Variants in ITPR2 observed in about 807,000 individuals in gnomAD.
The protein encoded by ITPR2 is inositol 1,4,5-trisphosphate-gated calcium channel ITPR2.
ITPR2 carries 207 observed loss-of-function variants against 317.1 expected under a neutral mutation model. That is an observed-to-expected ratio of 0.65 (90% CI 0.58 to 0.73). The LOEUF (loss-of-function observed/expected upper bound fraction) is 0.73, where lower values mean the gene tolerates loss of function less well. ITPR2 is among the 30% of genes least tolerant of loss of function. The pLI is 0.00. For missense variants in ITPR2, 2,613 were observed against 3,284.0 expected, an observed-to-expected ratio of 0.80 and a Z score of 4.99; for synonymous variants, 1,156 against 1,149.1, an observed-to-expected ratio of 1.01 and a Z score of -0.12.
intron 45 of ITPR2, among the ~76,000 whole-genome samples, chr12:26,462,153 A>AGTTTTGTTTTGTTTT (rs1942050811): frequency 1.0e-4 from 4 of 39,756 alleles, no homozygotes; most frequent in Admixed American, 2.5e-4. Flanking sequence ...CACAAGGAAA[A>AGTTTTGTTTTGTTTT]CTTTTGTTTT....
chr12:26,596,540 G>A (rs185717615), intron 31 of ITPR2, among the ~76,000 whole-genome samples: 167 of 151,932 alleles, frequency 1.1e-3, no homozygotes, highest in Non-Finnish European at 1.9e-3. Context: ...CCAGCCACTC[G>A]GGAGGCTGAG....
At chr12:26,656,273 C>T (rs752436702) in intron 19 of ITPR2, 24 bp downstream of exon 19, 2 of 1,612,140 alleles carry the variant, frequency 1.2e-6, no homozygotes, top group African/African-American at 2.7e-5. Context: ...ATTCCAAAGC[C>T]TCAAGACCTT....
chr12:26,478,397 T>A (rs1291371390), intron 43 of ITPR2, among the ~76,000 whole-genome samples: 5 of 152,076 alleles, frequency 3.3e-5, no homozygotes, highest in Admixed American at 3.3e-4. Context: ...AGAGTAAGGT[T>A]CTAGGATTAG....
chr12:26,769,505 T>C (rs552923760), intron 2 of ITPR2, among the ~76,000 whole-genome samples: 5 of 152,004 alleles, frequency 3.3e-5, no homozygotes, highest in Non-Finnish European at 7.4e-5. Flanking sequence ...GGTGGTAGCT[T>C]GAATAAGTTA....
chr12:26,410,868 T>C (rs964778557), intron 52 of ITPR2, among the ~76,000 whole-genome samples: 12 of 152,130 alleles, frequency 7.9e-5, no homozygotes, highest in African/African-American at 2.7e-4. Flanking sequence ...GAGAGAGAGA[T>C]AGGCAGGCAA....
chr12:26,404,185 G>C (rs922837426), intron 52 of ITPR2, among the ~76,000 whole-genome samples: 2 of 152,160 alleles, frequency 1.3e-5, no homozygotes, highest in African/African-American at 4.8e-5. Context: ...ATGAATGAAA[G>C]GAAGCTGACA....
At chr12:26,820,259 G>A (rs1165156345) in intron 1 of ITPR2, among the ~76,000 whole-genome samples, 1 of 152,112 alleles carries the variant, frequency 6.6e-6, no homozygotes, top group Non-Finnish European at 1.5e-5. Flanking sequence ...GGATCTCAAG[G>A]TATTTAAGAA....
At position 26,832,843 on chromosome 12, in the gene ITPR2, C is replaced by G; in HGVS notation, c.-62G>C. ...CCCTGCGCCCTCGCCGCCCTCTCTCCAGGGAGCCGCCGCGGCAGAAGCGGA... is the reference window on the plus strand; with the variant it reads ...CCCTGCGCCCTCGCCGCCCTCTCTCGAGGGAGCCGCCGCGGCAGAAGCGGA... On this transcript the variant is annotated 5_prime_UTR_variant, in exon 1 of 57. Coordinates refer to ENST00000381340, the MANE Select transcript of ITPR2 (RefSeq NM_002223.4). 1 of 1,307,960 alleles carries G rather than the reference C, an allele frequency of 7.6e-7. No individual in the cohort carries two copies. The highest frequency in any genetic ancestry group is 1.8e-5 in the Admixed American group (1 of 55,402). 81.0% of individuals were successfully genotyped at this position (1,307,960 alleles called of 1,614,324 possible). A position where few individuals can be genotyped will look rare whatever the true frequency, so the allele number is the denominator to read the frequency against.
intron 9 of ITPR2, among the ~76,000 whole-genome samples, chr12:26,707,648 A>C (rs6487568): frequency 0.35 from 53,790 of 151,956 alleles, 10,081 homozygotes; most frequent in Non-Finnish European, 0.39. Context: ...TCTCTCCCAC[A>C]TCTGCCTCCC....
At chr12:26,342,359 A>G (rs999491494) in intron 55 of ITPR2, among the ~76,000 whole-genome samples, 1 of 151,974 alleles carries the variant, frequency 6.6e-6, no homozygotes, top group Non-Finnish European at 1.5e-5. Flanking sequence ...TATATTACGT[A>G]TTATCTGAAT....
chr12:26,721,305 A>G (rs1948835986), intron 5 of ITPR2: 1 of 617,542 alleles, frequency 1.6e-6, no homozygotes. Flanking sequence ...ATATCACCAG[A>G]TAATTTATTA....
chr12:26,733,851 T>TA (rs541644589), intron 2 of ITPR2, among the ~76,000 whole-genome samples: 7 of 151,920 alleles, frequency 4.6e-5, no homozygotes, highest in East Asian at 3.9e-4. Context: ...ACACTGATAA[T>TA]AAAAAAAATG....
intron 37 of ITPR2, among the ~76,000 whole-genome samples, chr12:26,505,532 C>T (rs1050418170): frequency 6.6e-6 from 1 of 152,174 alleles, no homozygotes; most frequent in Non-Finnish European, 1.5e-5. Context: ...TCCTCAGAGT[C>T]ATCCTCTCTA....
chr12:26,565,439 TAGGA>T (rs573651989), intron 34 of ITPR2, among the ~76,000 whole-genome samples: 1 of 144,962 alleles, frequency 6.9e-6, no homozygotes, highest in East Asian at 2.0e-4. Flanking sequence ...TGAATGAAAA[TAGGA>T]AGGAAGGGAT....
At chr12:26,599,405 A>G in intron 29 of ITPR2, 60 bp from the exon 30 acceptor site, 1 of 1,423,400 alleles carries the variant, frequency 7.0e-7, no homozygotes, top group African/African-American at 1.4e-5. Context: ...ATTCTACAGT[A>G]CTTAGACTAA....
chr12:26,436,604 C>T (rs1160668383), intron 47 of ITPR2, among the ~76,000 whole-genome samples: 1 of 152,136 alleles, frequency 6.6e-6, no homozygotes, highest in Non-Finnish European at 1.5e-5. Context: ...TTTGCAATTG[C>T]TAAAGGTGGT....
chr12:26,750,024 A>G (rs1038721838), intron 2 of ITPR2, among the ~76,000 whole-genome samples: 1 of 152,238 alleles, frequency 6.6e-6, no homozygotes, highest in African/African-American at 2.4e-5. Context: ...TGCTCTTTCT[A>G]GAGCACCTGG....
intron 21 of ITPR2, among the ~76,000 whole-genome samples, chr12:26,644,478 T>C (rs1032135112): frequency 6.6e-5 from 10 of 152,136 alleles, no homozygotes; most frequent in Non-Finnish European, 1.2e-4. Context: ...ACACACCCGA[T>C]ACTCGGTAAC....
At chr12:26,818,324 C>T (rs541748325) in intron 1 of ITPR2, among the ~76,000 whole-genome samples, 1 of 152,316 alleles carries the variant, frequency 6.6e-6, no homozygotes, top group South Asian at 2.1e-4. Flanking sequence ...AGTGCTTTTA[C>T]ATTTGCAATG....
Sources: gnomAD v4.1 joint callset for allele counts (sites outside exome capture counted in the v4.1 genomes callset) on GRCh38, gnomAD v4.1.1 for gene constraint, MANE v1.5 for transcripts, NCBI Gene and HGNC (gene_info 2026-07-23, HGNC 2026-07-21) for gene names.